The following GPC5 variants were observed in gnomAD, a reference collection of about 807,000 sequenced individuals.
The protein encoded by GPC5 is glypican-5.
A neutral mutation model predicts 53.9 loss-of-function variants in GPC5; 47 were observed. The observed-to-expected ratio is 0.87, with a 90% CI of 0.69 to 1.11. GPC5 has a LOEUF of 1.11. GPC5 is among the 50% of genes most tolerant of loss of function. The pLI is 0.00. For missense variants in GPC5, 748 were observed against 713.1 expected (o/e 1.05, Z -0.56); for synonymous variants, 286 against 263.3 (o/e 1.09, Z -0.84).
intron 7 of GPC5, among the ~76,000 whole-genome samples, chr13:92,535,741 T>G (rs1023484571): frequency 2.0e-5 from 3 of 152,084 alleles, no homozygotes; most frequent in Non-Finnish European, 4.4e-5. Flanking sequence ...TAACTTACTT[T>G]GCACATAGCT....
rs1477985685 is a variant in GPC5, at chr13:91,399,001, G to C, written c.-46G>C. On this transcript the variant is annotated 5_prime_UTR_variant, in exon 1 of 8. Transcript: ENST00000377067. Reference sequence around the variant, plus strand: ...TCTGCAGCTCAGCCAGGGCGCGCAGGGCGAGTGGGGTCCACTGGCGGGTAA... The same window carrying C: ...TCTGCAGCTCAGCCAGGGCGCGCAGCGCGAGTGGGGTCCACTGGCGGGTAA... The C allele has an allele frequency of 6.5e-7, 1 of 1,532,990 alleles. No homozygotes were observed. The highest frequency in any genetic ancestry group is 8.8e-7 in the Non-Finnish European group (1 of 1,135,516). 95.0% of individuals were successfully genotyped at this position (1,532,990 alleles called of 1,614,324 possible). A position where few individuals can be genotyped will look rare whatever the true frequency, so the allele number is the denominator to read the frequency against.
intron 7 of GPC5, among the ~76,000 whole-genome samples, chr13:92,157,903 C>A (rs2041957069): frequency 6.6e-6 from 1 of 152,052 alleles, no homozygotes; most frequent in South Asian, 2.1e-4. Context: ...CAGCTATATA[C>A]TCATAAATTA....
intron 6 of GPC5, among the ~76,000 whole-genome samples, chr13:92,087,718 C>G (rs1363705256): frequency 1.3e-5 from 2 of 151,956 alleles, no homozygotes; most frequent in Admixed American, 1.3e-4. Flanking sequence ...GTATCTTTCC[C>G]CATTTGTTAT....
At chr13:91,978,608 G>T (rs2040329282) in intron 6 of GPC5, among the ~76,000 whole-genome samples, 1 of 152,220 alleles carries the variant, frequency 6.6e-6, no homozygotes, top group African/African-American at 2.4e-5. Context: ...CACACAGGAA[G>T]ACATCAGATT....
At chr13:92,232,171 TAAG>T (rs1017707980) in intron 7 of GPC5, among the ~76,000 whole-genome samples, 5 of 152,072 alleles carry the variant, frequency 3.3e-5, no homozygotes, top group Admixed American at 2.0e-4. Context: ...ATAATAAAAA[TAAG>T]AATCGTTTTT....
intron 7 of GPC5, among the ~76,000 whole-genome samples, chr13:92,725,362 G>T (rs1473598247): frequency 6.6e-6 from 1 of 151,296 alleles, no homozygotes; most frequent in Non-Finnish European, 1.5e-5. Flanking sequence ...TAAATGATAG[G>T]CGGCTGAGAA....
chr13:92,522,859 A>T (rs901950926), intron 7 of GPC5, among the ~76,000 whole-genome samples: 4 of 152,172 alleles, frequency 2.6e-5, no homozygotes, highest in African/African-American at 9.6e-5. Context: ...AAATGTAAGT[A>T]CAGTTTTTTT....
At chr13:92,718,045 C>A (rs1444972404) in intron 7 of GPC5, among the ~76,000 whole-genome samples, 1 of 151,988 alleles carries the variant, frequency 6.6e-6, no homozygotes, top group East Asian at 1.9e-4. Context: ...AAAGGGCAAA[C>A]AATAAAAAAT....
chr13:92,261,431 G>T (rs924735585), intron 7 of GPC5, among the ~76,000 whole-genome samples: 2 of 152,132 alleles, frequency 1.3e-5, no homozygotes, highest in Non-Finnish European at 2.9e-5. Flanking sequence ...GTAATTATTG[G>T]TGTTGTGAAT....
At chr13:92,378,661 T>G (rs535986885) in intron 7 of GPC5, among the ~76,000 whole-genome samples, 1 of 152,320 alleles carries the variant, frequency 6.6e-6, no homozygotes, top group African/African-American at 2.4e-5. Flanking sequence ...GAGACCTTTT[T>G]ATAGAGTTTT....
At chr13:91,652,719 C>T (rs1303785210) in intron 2 of GPC5, among the ~76,000 whole-genome samples, 3 of 152,104 alleles carry the variant, frequency 2.0e-5, no homozygotes, top group African/African-American at 4.8e-5. Context: ...TCCAGTTGAC[C>T]GTGGTAACTG....
intron 7 of GPC5, among the ~76,000 whole-genome samples, chr13:92,782,274 G>A (rs1273063102): frequency 6.6e-6 from 1 of 152,048 alleles, no homozygotes; most frequent in East Asian, 1.9e-4. Context: ...TCCTTCTTGT[G>A]TCCTGTTATA....
chr13:91,896,941 A>G (rs1016705490), intron 5 of GPC5, among the ~76,000 whole-genome samples: 5 of 152,158 alleles, frequency 3.3e-5, no homozygotes, highest in African/African-American at 1.2e-4. Flanking sequence ...ACTGCTTGAT[A>G]GTAGGAATTT....
At chr13:92,827,560 G>T (rs1877895136) in intron 7 of GPC5, among the ~76,000 whole-genome samples, 1 of 152,156 alleles carries the variant, frequency 6.6e-6, no homozygotes, top group Non-Finnish European at 1.5e-5. Flanking sequence ...GTGAGGGAGA[G>T]GAATTTCTCT....
chr13:92,382,539 A>G (rs1213121950), intron 7 of GPC5, among the ~76,000 whole-genome samples: 1 of 131,736 alleles, frequency 7.6e-6, no homozygotes, highest in East Asian at 2.3e-4. Context: ...AAATTTAAAT[A>G]AATTTATTTC....
At chr13:91,727,387 C>T (rs1057184130) in intron 3 of GPC5, among the ~76,000 whole-genome samples, 1 of 152,142 alleles carries the variant, frequency 6.6e-6, no homozygotes, top group Non-Finnish European at 1.5e-5. Flanking sequence ...GTCAGCCTCA[C>T]TTTTTTGACA....
intron 7 of GPC5, among the ~76,000 whole-genome samples, chr13:92,302,846 T>G (rs1172647885): frequency 6.6e-6 from 1 of 152,228 alleles, no homozygotes; most frequent in Non-Finnish European, 1.5e-5. Context: ...TCTTTCAATT[T>G]TCTCTCTTGC....
chr13:92,260,240 A>G (rs2042756702), intron 7 of GPC5, among the ~76,000 whole-genome samples: 1 of 152,158 alleles, frequency 6.6e-6, no homozygotes, highest in Admixed American at 6.5e-5. Context: ...CAGAAACTGT[A>G]TTCAGAGACT....
chr13:92,669,512 G>T (rs1886678607), intron 7 of GPC5, among the ~76,000 whole-genome samples: 1 of 152,084 alleles, frequency 6.6e-6, no homozygotes, highest in Admixed American at 6.6e-5. Flanking sequence ...TATATCGTCG[G>T]CTTGGCCAAT....
Sources: gnomAD v4.1 joint callset for allele counts (sites outside exome capture counted in the v4.1 genomes callset) on GRCh38, gnomAD v4.1.1 for gene constraint, MANE v1.5 for transcripts, NCBI Gene and HGNC (gene_info 2026-07-23, HGNC 2026-07-21) for gene names.